CPED1: variants seen among roughly 807,000 people sequenced by gnomAD.
The protein encoded by CPED1 is cadherin-like and PC-esterase domain-containing protein 1.
Under a neutral mutation model 128.2 loss-of-function variants are expected in CPED1, and 114 were observed. The ratio of observed to expected loss-of-function variants is 0.89; its 90% CI spans 0.76 to 1.04. CPED1 has a LOEUF of 1.04. Ranked by LOEUF, CPED1 falls within the 50% of genes least tolerant of loss-of-function variation. The pLI, the probability that CPED1 is intolerant of heterozygous loss-of-function variation, is 0.00. For missense variants in CPED1, 1,211 were observed against 1,207.1 expected, an observed-to-expected ratio of 1.00 and a Z score of -0.05; for synonymous variants, 462 against 426.7, an observed-to-expected ratio of 1.08 and a Z score of -1.02.
At position 121,153,809 on chromosome 7, in the gene CPED1, T is replaced by C. The variant is rs149778519; in HGVS notation, c.2055+11668T>C. On this transcript the variant is annotated intron_variant, in intron 16 of 22. Coordinates refer to ENST00000310396, the MANE Select transcript of CPED1 (RefSeq NM_024913.5). ...ATAAGCGGATTTTAAAAAATAAATA[T>C]ATTGAAAAATTTTTTGAAGATTTTC... is the stretch of plus-strand genomic sequence containing the variant. Among the ~76,000 whole-genome samples, 137 of 152,182 alleles carry C rather than the reference T, an allele frequency of 9.0e-4. 2 individuals are homozygous for C. Among genetic ancestry groups the C allele is most frequent in the African/African-American group, 3.2e-3 (132 of 41,524 alleles).
At chr7:121,006,529 G>C (rs1257669923) in intron 2 of CPED1, among the ~76,000 whole-genome samples, 1 of 151,936 alleles carries the variant, frequency 6.6e-6, no homozygotes, top group African/African-American at 2.4e-5. Flanking sequence ...GAAAGCAGAG[G>C]GAAGGAGAAG....
intron 5 of CPED1, among the ~76,000 whole-genome samples, chr7:121,087,664 C>CTTTTT (rs1794462225): frequency 2.3e-5 from 1 of 42,970 alleles, no homozygotes; most frequent in Non-Finnish European, 4.5e-5. Context: ...TCTTTTCTTT[C>CTTTTT]CTGTTTTTTT....
chr7:121,100,224 C>A, intron 7 of CPED1, 130 bp downstream of exon 7: 1 of 785,830 alleles, frequency 1.3e-6, no homozygotes. Flanking sequence ...TTTTTATTGC[C>A]GCAAGAAAAG....
intron 2 of CPED1, among the ~76,000 whole-genome samples, chr7:121,000,068 C>T (rs1198172655): frequency 6.6e-6 from 1 of 152,052 alleles, no homozygotes; most frequent in Non-Finnish European, 1.5e-5. Flanking sequence ...ATGGAAAGCA[C>T]TAAATACACT....
intron 7 of CPED1, among the ~76,000 whole-genome samples, chr7:121,119,326 T>C (rs1795329304): frequency 6.7e-6 from 1 of 149,716 alleles, no homozygotes; most frequent in South Asian, 2.2e-4. Flanking sequence ...GCCTCCCGGG[T>C]TCAAGTGATT....
intron 5 of CPED1, among the ~76,000 whole-genome samples, chr7:121,073,804 C>T (rs888865946): frequency 1.1e-5 from 1 of 94,732 alleles, no homozygotes; most frequent in East Asian, 3.9e-4. Flanking sequence ...TTCACCTCTT[C>T]CCATTTTTTT....
chr7:121,151,873 A>C (rs948966918), intron 16 of CPED1, among the ~76,000 whole-genome samples: 1 of 110,156 alleles, frequency 9.1e-6, no homozygotes, highest in Admixed American at 1.1e-4. Context: ...TGCATGTGAC[A>C]TTTCCTTCAA....
chr7:121,206,000 T>C (rs1478944432), intron 16 of CPED1, among the ~76,000 whole-genome samples: 3 of 152,084 alleles, frequency 2.0e-5, no homozygotes, highest in African/African-American at 7.2e-5. Context: ...TTTTTCAGGA[T>C]TTTTGTATTC....
At chr7:121,264,406 A>C (rs1792083196) in intron 18 of CPED1, among the ~76,000 whole-genome samples, 1 of 152,114 alleles carries the variant, frequency 6.6e-6, no homozygotes, top group African/African-American at 2.4e-5. Flanking sequence ...GAAGAAATTC[A>C]AGTTATTTCA....
intron 16 of CPED1, among the ~76,000 whole-genome samples, chr7:121,207,129 G>C (rs757497329): frequency 4.1e-4 from 62 of 151,716 alleles, no homozygotes; most frequent in Non-Finnish European, 7.4e-4. Context: ...TGAATGTACT[G>C]TATTTATCTA....
At chr7:121,141,543 G>C (rs539637152) in intron 15 of CPED1, among the ~76,000 whole-genome samples, 1 of 151,928 alleles carries the variant, frequency 6.6e-6, no homozygotes, top group African/African-American at 2.4e-5. Flanking sequence ...TGGAACCCTC[G>C]GGAGCCACGT....
intron 12 of CPED1, among the ~76,000 whole-genome samples, chr7:121,131,961 TG>T (rs1265797989): frequency 2.1e-4 from 28 of 130,562 alleles, no homozygotes; most frequent in Admixed American, 1.6e-3. Flanking sequence ...GTGGGGGTAA[TG>T]TTTTTTTTTT....
chr7:121,063,082 C>T (rs1045573493), intron 4 of CPED1, among the ~76,000 whole-genome samples: 2 of 152,136 alleles, frequency 1.3e-5, no homozygotes, highest in Non-Finnish European at 2.9e-5. Context: ...TTAGGAATGC[C>T]ACTGGTGCAG....
At chr7:121,099,069 A>T (rs1332099561) in intron 6 of CPED1, among the ~76,000 whole-genome samples, 1 of 150,862 alleles carries the variant, frequency 6.6e-6, no homozygotes, top group African/African-American at 2.4e-5. Context: ...ACTCTTCATT[A>T]TCTGGGAGTA....
At chr7:121,232,603 C>A (rs1479542758) in intron 16 of CPED1, among the ~76,000 whole-genome samples, 1 of 152,040 alleles carries the variant, frequency 6.6e-6, no homozygotes, top group African/African-American at 2.4e-5. Flanking sequence ...AATGTCAGTT[C>A]TTCTGGGGAA....
At chr7:121,061,199 TGAAA>T in intron 4 of CPED1, 1 of 958,410 alleles carries the variant, frequency 1.0e-6, no homozygotes, top group Non-Finnish European at 1.2e-6. Flanking sequence ...ATTAGGATTG[TGAAA>T]GGTATATTGG....
At chr7:121,067,540 T>C (rs2116069200) in intron 5 of CPED1, among the ~76,000 whole-genome samples, 1 of 152,282 alleles carries the variant, frequency 6.6e-6, no homozygotes, top group African/African-American at 2.4e-5. Flanking sequence ...TGGTTCCAAG[T>C]CTTTGCTATT....
At chr7:121,137,492 G>A (rs995619920) in intron 14 of CPED1, among the ~76,000 whole-genome samples, 2 of 151,856 alleles carry the variant, frequency 1.3e-5, no homozygotes, top group Admixed American at 6.6e-5. Flanking sequence ...ATTAATAGAC[G>A]TCTTTGAATT....
At chr7:121,105,010 A>T (rs575742927) in intron 7 of CPED1, among the ~76,000 whole-genome samples, 1 of 152,122 alleles carries the variant, frequency 6.6e-6, no homozygotes, top group South Asian at 2.1e-4. Context: ...CCTTTTTTCA[A>T]GTCAGATTTG....
Sources: allele counts gnomAD v4.1 joint callset (sites outside exome capture counted in the v4.1 genomes callset), GRCh38; gene constraint gnomAD v4.1.1; transcripts MANE v1.5; gene names NCBI Gene and HGNC (gene_info 2026-07-23, HGNC 2026-07-21).